COL4A1: variants seen among roughly 807,000 people sequenced by gnomAD.
The protein encoded by COL4A1 is collagen type IV alpha 1 chain.
COL4A1 carries 40 observed loss-of-function variants against 216.6 expected under a neutral mutation model. The ratio of observed to expected loss-of-function variants is 0.18; its 90% confidence interval spans 0.14 to 0.24. The LOEUF is 0.24. COL4A1 is among the 10% of genes least tolerant of loss of function. The probability of loss-of-function intolerance (pLI) is 1.00; values close to 1 mark genes in which losing one functional copy is unlikely to be tolerated. For missense variants in COL4A1, 1,628 were observed against 2,196.8 expected (o/e 0.74, Z 5.18); for synonymous variants, 839 against 810.7 (o/e 1.03, Z -0.59).
intron 1 of COL4A1, among the ~76,000 whole-genome samples, chr13:110,292,456 TGTTA>T (rs1178182470): frequency 6.6e-6 from 1 of 152,210 alleles, no homozygotes; most frequent in Non-Finnish European, 1.5e-5. Flanking sequence ...TGGTTATTTT[TGTTA>T]GTCCATTCTC....
chr13:110,246,939 G>A (rs566961583), intron 1 of COL4A1, among the ~76,000 whole-genome samples: 1 of 152,132 alleles, frequency 6.6e-6, no homozygotes, highest in Admixed American at 6.5e-5. Flanking sequence ...TTGGAAGACG[G>A]GGAATATGGC....
At chr13:110,240,217 T>A (rs1191201369) in intron 2 of COL4A1, among the ~76,000 whole-genome samples, 7 of 148,152 alleles carry the variant, frequency 4.7e-5, no homozygotes, top group African/African-American at 1.3e-4. Flanking sequence ...TTAAAAAAAA[T>A]TAAAAAAAAA....
At chr13:110,209,521 C>A in intron 10 of COL4A1, 94 bp from the exon 11 acceptor site, 1 of 919,956 alleles carries the variant, frequency 1.1e-6, no homozygotes, top group South Asian at 1.5e-5. Context: ...ATTCTCTGGT[C>A]AACATGATAA....
At position 110,203,593 on chromosome 13, in the gene COL4A1, T is replaced by C. The variant is rs1879344623; in HGVS notation, c.972A>G (p.Glu324=). 6.2e-7 allele frequency: 1 copy of C among 1,614,032 alleles called. No homozygotes were observed. The highest frequency in any genetic ancestry group is 1.7e-5 in the Admixed American group (1 of 59,966). ...GRQGPQGEKG[E]AGPPGPPGIV... is the part of the protein sequence containing the mutation. ...TTCCAGGTGGGCCAGGAGGACCTGC[T>C]TCACCCTTTTCTCCCTACAAAAGAA... is the stretch of plus-strand genomic sequence containing the variant. Residue 324 remains glutamate (E), a synonymous_variant, in exon 18 of 52, where the codon GAA becomes GAG. Coordinates refer to ENST00000375820, the MANE Select transcript of COL4A1 (RefSeq NM_001845.6).
Position 110,183,068 on chromosome 13 carries a change from T to C in COL4A1, c.2020A>G (p.Arg674Gly). 6.2e-7 allele frequency: 1 copy of C among 1,613,188 alleles called. No homozygotes were observed. Reference protein sequence around the residue: ...GDRGFPGTPGRPGLPGEKGAV... With the variant: ...GDRGFPGTPGGPGLPGEKGAV... ...CCCTTCTCTCCTGGCAGGCCTGGCC[T>C]TCCTGGGGTTCCGGGAAAGCCTCGG... Residue 674 changes from arginine to glycine, a missense_variant, in exon 28 of 52, where the codon AGG becomes GGG. Physicochemically the swap from Arg to Gly is moderately radical, Grantham distance 125. Coordinates refer to ENST00000375820, the MANE Select transcript of COL4A1 (RefSeq NM_001845.6).
In COL4A1 at chr13:110,192,244, C is replaced by T. The variant is rs754684443; in HGVS notation, c.1506G>A (p.Leu502=). ...GQPGAKGDRG[L]PGRDGVAGVP... ...CTCCTGCAACACCATCTCTGCCAGG[C>T]AAACCTCTGTCGCCCTTGGCCCCTG... Residue 502 remains leucine, a synonymous_variant, in exon 24 of 52, where the codon TTG becomes TTA. Transcript: ENST00000375820. The T allele has an allele frequency of 1.2e-6, 2 of 1,614,176 alleles. No homozygotes were observed. The highest frequency in any genetic ancestry group is 1.1e-5 in the South Asian group (1 of 91,082).
intron 1 of COL4A1, among the ~76,000 whole-genome samples, chr13:110,250,439 G>A (rs982936320): frequency 6.6e-6 from 1 of 152,092 alleles, no homozygotes; most frequent in Non-Finnish European, 1.5e-5. Context: ...TAAAGTTCTG[G>A]TCTCATTTTC....
intron 43 of COL4A1, among the ~76,000 whole-genome samples, chr13:110,169,421 ACT>A (rs1303653550): frequency 6.6e-6 from 1 of 151,472 alleles, no homozygotes; most frequent in African/African-American, 2.4e-5. Flanking sequence ...ATAGTTTCCT[ACT>A]CTGATGCCAA....
chr13:110,202,849 C>T (rs1938100082), intron 18 of COL4A1, among the ~76,000 whole-genome samples: 1 of 152,056 alleles, frequency 6.6e-6, no homozygotes, highest in South Asian at 2.1e-4. Flanking sequence ...ATTGTTTTAC[C>T]AGGATAGTTA....
intron 1 of COL4A1, among the ~76,000 whole-genome samples, chr13:110,278,595 T>C (rs1016801361): frequency 3.3e-5 from 5 of 152,202 alleles, no homozygotes; most frequent in Non-Finnish European, 2.9e-5. Flanking sequence ...ATGTAGTGAC[T>C]TCACAGCCTT....
intron 1 of COL4A1, among the ~76,000 whole-genome samples, chr13:110,261,051 A>AAAAAAAAAAAAAAAAAAAC: frequency 6.6e-6 from 1 of 151,204 alleles, no homozygotes; most frequent in Admixed American, 6.6e-5. Flanking sequence ...AAAAAAAAAA[A>AAAAAAAAAAAAAAAAAAAC]AAAGGCCAAA....
chr13:110,210,166 T>C lies in COL4A1; in HGVS notation c.515A>G (p.Lys172Arg). 6.2e-7 allele frequency: 1 copy of C among 1,614,004 alleles called. No homozygotes were observed. Among genetic ancestry groups the C allele is most frequent in the Non-Finnish European group, 8.5e-7 (1 of 1,180,028 alleles). The change falls in exon 9 of 52, where the codon AAA (lysine) becomes AGA (arginine). Residue 172 changes from lysine to arginine, a missense_variant. Transcript: ENST00000375820. ...GATTCCGGGAAATCCTCTTTCACCT[T>C]TCAACAGCATCCCGGGCACATGGCC... ...ILGHVPGMLLKGERGFPGIPG... is the reference protein window; with the variant it reads ...ILGHVPGMLLRGERGFPGIPG...
At position 110,197,714 on chromosome 13, in the gene COL4A1, G is replaced by A. The variant is rs116019901; in HGVS notation, c.1285+753C>T. On this transcript the variant is annotated intron_variant, in intron 21 of 51. Transcript: ENST00000375820. ...GCCTCATCCATGAGAACTCCCTTTC[G>A]TAAAGATTTGCTTGAATTCTAGCAA... 7.9e-3 allele frequency among the ~76,000 whole-genome samples: 1,199 copies of A among 152,232 alleles called. 13 individuals carry two copies. The highest frequency in any genetic ancestry group is 0.027 in the African/African-American group (1,141 of 41,514).
At chr13:110,213,878 G>A (rs1209372739) in intron 3 of COL4A1, 48 bp downstream of exon 3, 2 of 1,613,184 alleles carry the variant, frequency 1.2e-6, no homozygotes, top group East Asian at 2.2e-5. Flanking sequence ...TCTCAAGAAT[G>A]CGGGCAATCT....
At chr13:110,200,128 C>A (rs575138016) in intron 20 of COL4A1, among the ~76,000 whole-genome samples, 2 of 152,246 alleles carry the variant, frequency 1.3e-5, no homozygotes, top group African/African-American at 2.4e-5. Context: ...GTAAAGGCTG[C>A]GAACACTCCG....
chr13:110,186,929 G>A (rs1287774755), intron 25 of COL4A1, among the ~76,000 whole-genome samples: 1 of 152,176 alleles, frequency 6.6e-6, no homozygotes, highest in Non-Finnish European at 1.5e-5. Context: ...ACACTGATCT[G>A]TTATCACCTA....
chr13:110,234,316 C>T (rs1043748108), intron 2 of COL4A1, among the ~76,000 whole-genome samples: 11 of 152,328 alleles, frequency 7.2e-5, no homozygotes, highest in African/African-American at 2.4e-4. Context: ...GGTACAGTGG[C>T]TCACGCCTGT....
intron 1 of COL4A1, among the ~76,000 whole-genome samples, chr13:110,286,619 T>C (rs911887781): frequency 3.3e-5 from 5 of 152,090 alleles, no homozygotes; most frequent in African/African-American, 1.2e-4. Flanking sequence ...CACCCCGGAG[T>C]GCCAGAAAGG....
At chr13:110,219,876 A>ATATG (rs1389476001) in intron 2 of COL4A1, among the ~76,000 whole-genome samples, 1 of 118,924 alleles carries the variant, frequency 8.4e-6, no homozygotes, top group East Asian at 2.4e-4. Flanking sequence ...GTGTGTATAT[A>ATATG]TGTATATATA....
Sources: gnomAD v4.1 joint callset for allele counts (sites outside exome capture counted in the v4.1 genomes callset) on GRCh38, gnomAD v4.1.1 for gene constraint, MANE v1.5 for transcripts, NCBI Gene and HGNC (gene_info 2026-07-23, HGNC 2026-07-21) for gene names.